The following CLEC9A variants were observed in gnomAD, a reference collection of about 807,000 sequenced individuals.
CLEC9A encodes C-type lectin domain containing 9A.
A neutral mutation model predicts 30.0 loss-of-function variants in CLEC9A; 24 were observed. The observed-to-expected ratio is 0.80, with a 90% confidence interval of 0.58 to 1.13. The LOEUF (loss-of-function observed/expected upper bound fraction) is 1.13, where lower values mean the gene tolerates loss of function less well. Ranked by LOEUF, CLEC9A falls within the 50% of genes most tolerant of loss-of-function variation. CLEC9A has a pLI of 0.00. For missense variants in CLEC9A, 251 were observed against 280.9 expected (o/e 0.89, Z 0.76); for synonymous variants, 111 against 96.8 (o/e 1.15, Z -0.86).
At chr12:10,039,445 A>G (rs1865772231) in intron 1 of CLEC9A, among the ~76,000 whole-genome samples, 1 of 152,238 alleles carries the variant, frequency 6.6e-6, no homozygotes, top group African/African-American at 2.4e-5. Context: ...AGAATTTACT[A>G]CTGGCTTTTA....
chr12:10,031,522 G>A (rs1484639018), intron 1 of CLEC9A, among the ~76,000 whole-genome samples: 1 of 152,166 alleles, frequency 6.6e-6, no homozygotes, highest in Non-Finnish European at 1.5e-5. Context: ...TCATTGTCTG[G>A]TGCTACTGAT....
At chr12:10,041,408 G>C (rs958168077) in intron 1 of CLEC9A, 58 bp from the exon 2 acceptor site, 6 of 313,564 alleles carry the variant, frequency 1.9e-5, no homozygotes, top group African/African-American at 1.3e-4. Context: ...TGGAATGTAG[G>C]GAAAATGTAA....
chr12:10,035,553 C>T (rs551019842), intron 1 of CLEC9A, among the ~76,000 whole-genome samples: 13 of 152,202 alleles, frequency 8.5e-5, no homozygotes, highest in Non-Finnish European at 1.5e-4. Context: ...CTCAATCAAT[C>T]GCACTATTTC....
At chr12:10,056,430 C>T (rs1352004815) in intron 5 of CLEC9A, among the ~76,000 whole-genome samples, 1 of 152,096 alleles carries the variant, frequency 6.6e-6, no homozygotes, top group African/African-American at 2.4e-5. Flanking sequence ...TGCAAAAAAG[C>T]AGCATTTAAA....
rs577922702 is a variant in CLEC9A, at chr12:10,038,154, T to A, written c.-317-3312T>A. 2.6e-5 allele frequency among the ~76,000 whole-genome samples: 4 copies of A among 152,368 alleles called. No homozygotes were observed. The East Asian group carries it at 7.7e-4, about 29-fold the overall frequency. ...ATGGGTTTGGGATTTTAATTTTTTT[T>A]AATTTGTAGTACTTTTAAATAATTC... On this transcript the variant is annotated intron_variant, in intron 1 of 8. Transcript: ENST00000355819.
chr12:10,054,588 A>C (rs1440811429), intron 5 of CLEC9A, among the ~76,000 whole-genome samples: 4 of 152,232 alleles, frequency 2.6e-5, no homozygotes, highest in Non-Finnish European at 4.4e-5. Flanking sequence ...TGGGAGAAAC[A>C]ATGAAAATAA....
chr12:10,059,931 C>T (rs920641868), intron 5 of CLEC9A, among the ~76,000 whole-genome samples: 5 of 151,864 alleles, frequency 3.3e-5, no homozygotes, highest in Non-Finnish European at 5.9e-5. Context: ...ATACAGATGT[C>T]AAATAAGCAC....
intron 1 of CLEC9A, among the ~76,000 whole-genome samples, chr12:10,037,354 T>C (rs188119732): frequency 6.6e-6 from 1 of 152,226 alleles, no homozygotes. Flanking sequence ...TTTTACAAAT[T>C]CTTATTTTAC....
intron 6 of CLEC9A, among the ~76,000 whole-genome samples, chr12:10,061,802 C>T (rs1428815203): frequency 6.6e-6 from 1 of 152,124 alleles, no homozygotes. Flanking sequence ...CATTTTAAAC[C>T]TAATGCAGAG....
intron 1 of CLEC9A, among the ~76,000 whole-genome samples, chr12:10,040,587 A>G (rs1865785684): frequency 6.6e-6 from 1 of 151,430 alleles, no homozygotes; most frequent in South Asian, 2.1e-4. Flanking sequence ...AGTAGCGGGG[A>G]CTACAGGCGC....
intron 2 of CLEC9A, among the ~76,000 whole-genome samples, chr12:10,047,535 A>G (rs940142613): frequency 2.6e-5 from 4 of 152,194 alleles, no homozygotes; most frequent in Non-Finnish European, 5.9e-5. Context: ...CATATTATCT[A>G]AGTGAACTTA....
At chr12:10,052,316 C>T (rs927861808) in intron 3 of CLEC9A, 10 of 184,024 alleles carry the variant, frequency 5.4e-5, no homozygotes, top group South Asian at 2.9e-4. Flanking sequence ...GGTCACCCCA[C>T]GCTTCATCTC....
intron 1 of CLEC9A, among the ~76,000 whole-genome samples, chr12:10,035,740 C>T (rs1865739020): frequency 6.6e-6 from 1 of 152,274 alleles, no homozygotes; most frequent in South Asian, 2.1e-4. Context: ...CTCAGCCTCC[C>T]ACGCAATGGA....
chr12:10,052,302 T>C lies in CLEC9A; in HGVS notation c.-59+208T>C, dbSNP rs1865899652. ...GTGAGTTATCTTTATATCTTCACTA[T>C]CTAGGTCACCCCACGCTTCATCTCC... On this transcript the variant is annotated intron_variant, in intron 3 of 8. Coordinates refer to ENST00000355819, the MANE Select transcript of CLEC9A (RefSeq NM_207345.4). 5 of 176,414 alleles carry C rather than the reference T, an allele frequency of 2.8e-5. No individual in the cohort carries two copies. The Admixed American group carries it at 2.9e-4, about 10-fold the overall frequency. The allele number at this position is 176,414 out of a possible 1,614,324, so 10.9% of individuals were successfully genotyped here.
At chr12:10,061,562 C>A (rs1456291987) in intron 6 of CLEC9A, among the ~76,000 whole-genome samples, 1 of 151,990 alleles carries the variant, frequency 6.6e-6, no homozygotes, top group Middle Eastern at 3.2e-3. Flanking sequence ...AAAAAAAAAT[C>A]GTTTTATCCA....
At chr12:10,061,055 T>A in intron 5 of CLEC9A, 72 bp from the exon 6 acceptor site, 1 of 1,505,804 alleles carries the variant, frequency 6.6e-7, no homozygotes, top group Non-Finnish European at 8.9e-7. Flanking sequence ...TACTTGTCTT[T>A]AGTCTGTGTT....
At chr12:10,040,011 C>T (rs1193207759) in intron 1 of CLEC9A, among the ~76,000 whole-genome samples, 1 of 152,074 alleles carries the variant, frequency 6.6e-6, no homozygotes, top group Non-Finnish European at 1.5e-5. Flanking sequence ...TTAGTAGAGA[C>T]AAAGTTTCGC....
chr12:10,058,983 C>A (rs1230201510), intron 5 of CLEC9A, among the ~76,000 whole-genome samples: 5 of 151,998 alleles, frequency 3.3e-5, no homozygotes, highest in Non-Finnish European at 7.4e-5. Flanking sequence ...GATTTTTAAT[C>A]CTAAAGGTCT....
chr12:10,037,707 T>G (rs1865755528), intron 1 of CLEC9A, among the ~76,000 whole-genome samples: 1 of 152,176 alleles, frequency 6.6e-6, no homozygotes, highest in Non-Finnish European at 1.5e-5. Context: ...CTCAACATCG[T>G]TATAACAAAA....
Sources: allele counts gnomAD v4.1 joint callset (sites outside exome capture counted in the v4.1 genomes callset), GRCh38; gene constraint gnomAD v4.1.1; transcripts MANE v1.5; gene names NCBI Gene and HGNC (gene_info 2026-07-23, HGNC 2026-07-21).